Variants in XKR4 observed in about 807,000 individuals in gnomAD.
XKR4 encodes the protein XK related 4.
XKR4 carries 12 observed loss-of-function variants against 53.9 expected under a neutral mutation model. That is an observed-to-expected ratio of 0.22 (90% CI 0.14 to 0.36). The LOEUF (loss-of-function observed/expected upper bound fraction) is 0.36. XKR4 is among the 10% of genes least tolerant of loss of function. The probability of loss-of-function intolerance (pLI) is 1.00; values close to 1 mark genes in which losing one functional copy is unlikely to be tolerated. For synonymous variants in XKR4, 354 were observed against 362.4 expected, an observed-to-expected ratio of 0.98 and a Z score of 0.26; for missense variants, 799 against 859.5, an observed-to-expected ratio of 0.93 and a Z score of 0.88.
chr8:55,425,778 C>T (rs760220944), intron 2 of XKR4, among the ~76,000 whole-genome samples: 1 of 152,218 alleles, frequency 6.6e-6, no homozygotes, highest in African/African-American at 2.4e-5. Context: ...CTGGTGTGGG[C>T]CTCATACCTC....
chr8:55,179,934 G>A (rs1181751592), intron 1 of XKR4, among the ~76,000 whole-genome samples: 2 of 152,096 alleles, frequency 1.3e-5, no homozygotes, highest in African/African-American at 4.8e-5. Context: ...AGTATTTATA[G>A]AAGAGTTTCT....
At chr8:55,333,668 G>T (rs2129381041) in intron 1 of XKR4, among the ~76,000 whole-genome samples, 1 of 152,210 alleles carries the variant, frequency 6.6e-6, no homozygotes, top group East Asian at 1.9e-4. Flanking sequence ...TCTCTAGCCT[G>T]AAATTCAAGC....
At chr8:55,363,634 A>T (rs1226978250) in intron 2 of XKR4, among the ~76,000 whole-genome samples, 1 of 152,142 alleles carries the variant, frequency 6.6e-6, no homozygotes, top group Admixed American at 6.5e-5. Context: ...GCCTGTCTCC[A>T]GCCGCATTTA....
chr8:55,498,448 G>C (rs1048011533), intron 2 of XKR4, among the ~76,000 whole-genome samples: 26 of 152,298 alleles, frequency 1.7e-4, no homozygotes, highest in African/African-American at 5.8e-4. Context: ...CTAGCAGGAA[G>C]GTTACAGTCT....
intron 1 of XKR4, among the ~76,000 whole-genome samples, chr8:55,120,893 C>T (rs149192420): frequency 8.7e-4 from 132 of 152,330 alleles, no homozygotes; most frequent in African/African-American, 3.0e-3. Context: ...CCCACAAACT[C>T]CTGGCAATGA....
At chr8:55,329,464 T>A (rs1213232025) in intron 1 of XKR4, among the ~76,000 whole-genome samples, 1 of 152,090 alleles carries the variant, frequency 6.6e-6, no homozygotes, top group Non-Finnish European at 1.5e-5. Flanking sequence ...CTTCTTCCAA[T>A]GTGGCCCAGG....
At chr8:55,358,565 C>T (rs1460346849) in intron 2 of XKR4, among the ~76,000 whole-genome samples, 1 of 152,160 alleles carries the variant, frequency 6.6e-6, no homozygotes, top group East Asian at 1.9e-4. Flanking sequence ...TTCTTTAAAG[C>T]CTGCTGCTCA....
chr8:55,468,960 T>G (rs751300029), intron 2 of XKR4, among the ~76,000 whole-genome samples: 10 of 152,112 alleles, frequency 6.6e-5, no homozygotes. Context: ...AAAACCAAAC[T>G]CTTGCTATCC....
intron 1 of XKR4, among the ~76,000 whole-genome samples, chr8:55,338,421 CCAGGG>C (rs1188447870): frequency 6.6e-6 from 1 of 152,114 alleles, no homozygotes. Flanking sequence ...AATGGCTAGC[CCAGGG>C]TGCAATGGCA....
chr8:55,433,773 C>T (rs756047298), intron 2 of XKR4, among the ~76,000 whole-genome samples: 103 of 152,192 alleles, frequency 6.8e-4, no homozygotes, highest in Non-Finnish European at 1.1e-3. Context: ...TGCCTATAAT[C>T]CCAGCACTTA....
At chr8:55,360,027 T>C (rs1803876490) in intron 2 of XKR4, among the ~76,000 whole-genome samples, 1 of 152,212 alleles carries the variant, frequency 6.6e-6, no homozygotes, top group Non-Finnish European at 1.5e-5. Flanking sequence ...AGTTTCAGAA[T>C]GGCGTAGGGA....
intron 2 of XKR4, among the ~76,000 whole-genome samples, chr8:55,374,224 T>C (rs146059986): frequency 1.6e-4 from 25 of 152,196 alleles, no homozygotes; most frequent in African/African-American, 5.1e-4. Flanking sequence ...ACGATAAACA[T>C]GCAGTGGGCA....
chr8:55,360,481 C>T (rs150047666), intron 2 of XKR4, among the ~76,000 whole-genome samples: 2 of 152,314 alleles, frequency 1.3e-5, no homozygotes, highest in East Asian at 1.9e-4. Context: ...TATTTTCATA[C>T]ATCTTCAATG....
At chr8:55,500,231 C>A (rs1434484637) in intron 2 of XKR4, among the ~76,000 whole-genome samples, 8 of 141,282 alleles carry the variant, frequency 5.7e-5, no homozygotes, top group African/African-American at 8.3e-5. Flanking sequence ...ATTGCAGCAA[C>A]AAGGAAAAAA....
chr8:55,346,485 T>C (rs1803642571), intron 1 of XKR4, among the ~76,000 whole-genome samples: 1 of 152,168 alleles, frequency 6.6e-6, no homozygotes, highest in Non-Finnish European at 1.5e-5. Flanking sequence ...ACTAGGAAAA[T>C]GTTCTACCAT....
intron 2 of XKR4, among the ~76,000 whole-genome samples, chr8:55,370,907 G>T (rs746440928): frequency 6.6e-6 from 1 of 151,958 alleles, no homozygotes; most frequent in Non-Finnish European, 1.5e-5. Flanking sequence ...AAGAATGGAC[G>T]CCTGGTATGT....
In XKR4 at chr8:55,453,487, G is replaced by A. The variant is rs1017237185; in HGVS notation, c.1007-69794G>A. 3 of 394,690 alleles carry A rather than the reference G, an allele frequency of 7.6e-6. 1 individual carries two copies. The highest frequency in any genetic ancestry group is 5.9e-5 in the South Asian group (3 of 50,674). The allele number at this position is 394,690 out of a possible 1,614,324, so 24.4% of individuals were successfully genotyped here. Reference sequence around the variant, plus strand: ...ACACGTGGGAGATGCAGTTGCCCACGACCTCCAGCTGCCCTGGGCTCTTGA... The same window carrying A: ...ACACGTGGGAGATGCAGTTGCCCACAACCTCCAGCTGCCCTGGGCTCTTGA... On this transcript the variant is annotated intron_variant, in intron 2 of 2. Coordinates refer to ENST00000327381, the MANE Select transcript of XKR4 (RefSeq NM_052898.2).
At chr8:55,182,487 G>A (rs973410801) in intron 1 of XKR4, among the ~76,000 whole-genome samples, 7 of 152,180 alleles carry the variant, frequency 4.6e-5, no homozygotes, top group Non-Finnish European at 1.0e-4. Context: ...TACATGAGGT[G>A]AGGTAAGTGT....
chr8:55,405,867 C>T (rs1378534822), intron 2 of XKR4, among the ~76,000 whole-genome samples: 1 of 152,210 alleles, frequency 6.6e-6, no homozygotes, highest in Non-Finnish European at 1.5e-5. Context: ...GGAAATAGGC[C>T]TCCAAGGCAT....
Sources: allele counts gnomAD v4.1 joint callset (sites outside exome capture counted in the v4.1 genomes callset), GRCh38; gene constraint gnomAD v4.1.1; transcripts MANE v1.5; gene names NCBI Gene and HGNC (gene_info 2026-07-23, HGNC 2026-07-21).